NTRK3: variants seen among roughly 807,000 people sequenced by gnomAD.
NTRK3 encodes neurotrophic receptor tyrosine kinase 3.
A neutral mutation model predicts 91.7 loss-of-function variants in NTRK3; 24 were observed. The ratio of observed to expected loss-of-function variants is 0.26; its 90% CI spans 0.19 to 0.37. The LOEUF is 0.37. Ranked by LOEUF, NTRK3 falls within the 10% of genes least tolerant of loss-of-function variation. The pLI is 1.00. For missense variants in NTRK3, 880 were observed against 1,068.9 expected (o/e 0.82, Z 2.46); for synonymous variants, 483 against 404.0 (o/e 1.20, Z -2.34).
At chr15:88,217,846 C>T (rs1285732412) in intron 3 of NTRK3, among the ~76,000 whole-genome samples, 2 of 151,710 alleles carry the variant, frequency 1.3e-5, no homozygotes, top group Non-Finnish European at 2.9e-5. Context: ...GCAAGCTCCG[C>T]CTCCCGGGTT....
At chr15:88,078,243 G>A (rs1402001684) in intron 13 of NTRK3, among the ~76,000 whole-genome samples, 1 of 152,170 alleles carries the variant, frequency 6.6e-6, no homozygotes, top group Non-Finnish European at 1.5e-5. Flanking sequence ...GGGGGTAGAG[G>A]TACAGCAATA....
At chr15:88,153,293 A>C (rs2151371258) in intron 5 of NTRK3, among the ~76,000 whole-genome samples, 1 of 152,008 alleles carries the variant, frequency 6.6e-6, no homozygotes, top group African/African-American at 2.4e-5. Flanking sequence ...CCCAGGCTGG[A>C]GTGCAATGGC....
chr15:87,874,693 C>A, exon 19 of NTRK3: 1 of 232,566 alleles, frequency 4.3e-6, no homozygotes, highest in Non-Finnish European at 8.5e-6. Flanking sequence ...TTCCCTCAGG[C>A]GCCTCCAGAC....
chr15:88,102,950 T>C (rs957343277), intron 13 of NTRK3, among the ~76,000 whole-genome samples: 2 of 152,178 alleles, frequency 1.3e-5, no homozygotes, highest in Non-Finnish European at 2.9e-5. Flanking sequence ...CAGCCTTTGG[T>C]AGTAATACGA....
chr15:88,137,807 C>A (rs1206887334), intron 6 of NTRK3, among the ~76,000 whole-genome samples: 1 of 152,206 alleles, frequency 6.6e-6, no homozygotes, highest in Non-Finnish European at 1.5e-5. Context: ...AATCCCAGCA[C>A]TTTGGGAGGT....
rs1216172314 is a variant in NTRK3, at chr15:88,057,176, AAAAAAAAG to A, written c.1397-24139_1397-24132del. On this transcript the variant is annotated intron_variant, in intron 13 of 18. Transcript: ENST00000394480. ...AGAGCGAAACTCCGTCTCAAAAAAA[AAAAAAAAG>A]AAAAAAAGAAAAAAAGAAATGTGTC... 6.5e-4 allele frequency among the ~76,000 whole-genome samples: 97 copies of A among 150,000 alleles called. 1 individual carries two copies. The highest frequency in any genetic ancestry group is 3.7e-3 in the Admixed American group (55 of 15,052).
intron 13 of NTRK3, among the ~76,000 whole-genome samples, chr15:88,107,481 C>T (rs74375927): frequency 0.017 from 2,585 of 152,220 alleles, 99 homozygotes; most frequent in East Asian, 0.092. Flanking sequence ...AAGGCATGTC[C>T]CTTCCTAGGC....
Position 88,158,290 on chromosome 15 carries a change from G to T in NTRK3, c.396-10887C>A, listed in dbSNP as rs181901032. ...CGCCCACGCCATTAAAACAAATACAGGAGGTCCAGGTGGTGACCCCTTGAA... is the reference window on the plus strand; with the variant it reads ...CGCCCACGCCATTAAAACAAATACATGAGGTCCAGGTGGTGACCCCTTGAA... On this transcript the variant is annotated intron_variant, in intron 5 of 18. Coordinates refer to ENST00000394480, the Ensembl canonical transcript of NTRK3. Among the ~76,000 whole-genome samples, 253 of 152,298 alleles carry T rather than the reference G, an allele frequency of 1.7e-3. 1 individual carries two copies. In the Middle Eastern group the frequency reaches 0.031, roughly 18 times the overall value.
chr15:88,005,069 C>G (rs1443439320), intron 14 of NTRK3, among the ~76,000 whole-genome samples: 1 of 152,124 alleles, frequency 6.6e-6, no homozygotes, highest in Non-Finnish European at 1.5e-5. Context: ...ACCCTATATT[C>G]GTGTTACTCC....
chr15:88,125,440 A>C (rs2053182395), intron 13 of NTRK3, among the ~76,000 whole-genome samples: 1 of 152,124 alleles, frequency 6.6e-6, no homozygotes, highest in African/African-American at 2.4e-5. Context: ...TGGCTCAGCA[A>C]ACTGATAACT....
chr15:87,886,139 G>T (rs908937300), intron 17 of NTRK3, among the ~76,000 whole-genome samples: 4 of 152,004 alleles, frequency 2.6e-5, no homozygotes, highest in African/African-American at 7.2e-5. Flanking sequence ...AATGTCAATT[G>T]GGAAAGACTG....
chr15:87,870,116 G>T (rs1433050758), exon 19 of NTRK3: 1 of 181,794 alleles, frequency 5.5e-6, no homozygotes, highest in African/African-American at 2.4e-5. Flanking sequence ...AGCACAATTT[G>T]CAATTGCAAA....
intron 13 of NTRK3, among the ~76,000 whole-genome samples, chr15:88,052,260 C>T (rs1020971641): frequency 3.9e-5 from 6 of 152,232 alleles, no homozygotes; most frequent in East Asian, 3.9e-4. Context: ...CCCCCTATCA[C>T]GTCCTGGAGA....
intron 5 of NTRK3, among the ~76,000 whole-genome samples, chr15:88,173,865 G>T (rs1233716192): frequency 6.6e-6 from 1 of 152,234 alleles, no homozygotes; most frequent in East Asian, 1.9e-4. Context: ...CTGCCACTTA[G>T]CAGTTATGAA....
chr15:88,010,737 TACACACACACCC>T (rs1233533824), intron 14 of NTRK3, among the ~76,000 whole-genome samples: 3 of 147,400 alleles, frequency 2.0e-5, no homozygotes, highest in Admixed American at 1.3e-4. Flanking sequence ...TGCTGGAATT[TACACACACACCC>T]ACACACACAC....
At chr15:88,132,764 G>C (rs2041489284) in intron 10 of NTRK3, among the ~76,000 whole-genome samples, 1 of 152,162 alleles carries the variant, frequency 6.6e-6, no homozygotes. Context: ...TAAGCATCTT[G>C]TCACTTGGCA....
intron 3 of NTRK3, among the ~76,000 whole-genome samples, chr15:88,199,211 T>A (rs2048082758): frequency 6.6e-6 from 1 of 152,142 alleles, no homozygotes; most frequent in African/African-American, 2.4e-5. Flanking sequence ...CCCTTTATTA[T>A]GGAAGTAGTT....
intron 14 of NTRK3, among the ~76,000 whole-genome samples, chr15:87,970,870 G>A (rs2073200245): frequency 6.6e-6 from 1 of 152,164 alleles, no homozygotes; most frequent in Non-Finnish European, 1.5e-5. Context: ...CATATTGCAG[G>A]CCCTGAAGCT....
chr15:87,979,437 T>C (rs775134076), intron 14 of NTRK3: 8 of 1,612,920 alleles, frequency 5.0e-6, no homozygotes, highest in Non-Finnish European at 5.9e-6. Context: ...GGAAGGCTTA[T>C]TGGATTCAAC....
Sources: gnomAD v4.1 joint callset for allele counts (sites outside exome capture counted in the v4.1 genomes callset) on GRCh38, gnomAD v4.1.1 for gene constraint, MANE v1.5 for transcripts, NCBI Gene and HGNC (gene_info 2026-07-23, HGNC 2026-07-21) for gene names.